The following ZC3H8 variants were observed in gnomAD, a reference collection of about 807,000 sequenced individuals.
The protein encoded by ZC3H8 is zinc finger CCCH domain-containing protein 8.
Under a neutral mutation model 42.5 loss-of-function variants are expected in ZC3H8, and 27 were observed. That is an observed-to-expected ratio of 0.64 (90% confidence interval 0.47 to 0.88). The LOEUF is 0.88. Among genes scored for constraint, ZC3H8 ranks in the 40% least tolerant of loss-of-function variants. ZC3H8 has a pLI of 0.00. For missense variants in ZC3H8, 277 were observed against 336.1 expected (o/e 0.82, Z 1.37); for synonymous variants, 101 against 110.1 (o/e 0.92, Z 0.52).
At chr2:112,239,579 CTTTTTTTTT>C (rs200972008) in intron 2 of ZC3H8, among the ~76,000 whole-genome samples, 12 of 86,486 alleles carry the variant, frequency 1.4e-4, no homozygotes, top group East Asian at 4.9e-4. Flanking sequence ...TAACAGTTTA[CTTTTTTTTT>C]TTTTTTTTTT....
At chr2:112,240,952 A>T (rs1026342164) in intron 2 of ZC3H8, among the ~76,000 whole-genome samples, 17 of 142,604 alleles carry the variant, frequency 1.2e-4, no homozygotes, top group Admixed American at 3.5e-4. Context: ...TACAGGTAAC[A>T]GTGTGTGTGT....
intron 8 of ZC3H8, among the ~76,000 whole-genome samples, chr2:112,220,928 G>T (rs185790507): frequency 1.3e-5 from 2 of 152,154 alleles, no homozygotes; most frequent in African/African-American, 4.8e-5. Context: ...ATGACTATCC[G>T]TCATGAGGAT....
intron 1 of ZC3H8, among the ~76,000 whole-genome samples, chr2:112,253,155 C>T (rs1029025508): frequency 6.6e-6 from 1 of 151,892 alleles, no homozygotes. Flanking sequence ...AAAAAACCCA[C>T]AAAACTACTC....
chr2:112,254,768 C>T, intron 1 of ZC3H8, 140 bp downstream of exon 1: 2 of 987,278 alleles, frequency 2.0e-6, no homozygotes, highest in African/African-American at 1.6e-5. Context: ...GACGGTGGCG[C>T]CCGGCCGGCC....
chr2:112,224,021 C>T lies in ZC3H8; in HGVS notation c.*15+6882G>A, dbSNP rs193198986. ...AGCCAGGGTGGTAGGTGCCTGTAATCCCAGCTACCCAGGAGGCTGAGGCAG... is the reference window on the plus strand; with the variant it reads ...AGCCAGGGTGGTAGGTGCCTGTAATTCCAGCTACCCAGGAGGCTGAGGCAG... On this transcript the variant is annotated intron_variant, in intron 8 of 8. Transcript: ENST00000409573. Among the ~76,000 whole-genome samples, 7 of 152,142 alleles carry T rather than the reference C, an allele frequency of 4.6e-5. No homozygotes were observed. In the East Asian group the frequency reaches 1.4e-3, roughly 29 times the overall value.
In ZC3H8 at chr2:112,238,463, A is replaced by C; in HGVS notation, c.222T>G (p.Asp74Glu). 1 of 1,613,200 alleles carries C rather than the reference A, an allele frequency of 6.2e-7. No homozygotes were observed. Among genetic ancestry groups the C allele is most frequent in the Non-Finnish European group, 8.5e-7 (1 of 1,179,826 alleles). ...TGCAGATATCATTATCACTATATAC[A>C]TCATAGTCCTTACTTCTTGATTTTC... ...LHRKSRSKDY[D>E]VYSDNDICSQ... is the part of the protein sequence containing the mutation. The change falls in exon 3 of 9, where the codon GAT becomes GAG. Residue 74 changes from aspartate to glutamate, a missense_variant. Coordinates refer to ENST00000409573, the MANE Select transcript of ZC3H8 (RefSeq NM_032494.3).
In ZC3H8 at chr2:112,213,275, A is replaced by G. The variant is rs1266380886; in HGVS notation, c.*3209T>C. 6.6e-6 allele frequency: 1 copy of G among 152,060 alleles called. No homozygotes were observed. The highest frequency in any genetic ancestry group is 2.4e-5 in the African/African-American group (1 of 41,406). The allele number at this position is 152,060 out of a possible 1,614,324, so 9.4% of individuals were successfully genotyped here. On this transcript the variant is annotated 3_prime_UTR_variant, in exon 9 of 9. Transcript: ENST00000409573. ...GTGAGCCACTGCACCCGGCCTGAAGAAATCCTTGCACGTAACCCCCCAGTG... is the reference window on the plus strand; with the variant it reads ...GTGAGCCACTGCACCCGGCCTGAAGGAATCCTTGCACGTAACCCCCCAGTG...
At chr2:112,249,255 T>A (rs1685862082) in intron 2 of ZC3H8, among the ~76,000 whole-genome samples, 1 of 152,086 alleles carries the variant, frequency 6.6e-6, no homozygotes, top group Non-Finnish European at 1.5e-5. Context: ...CATGTGAATA[T>A]GAAGGCAGAA....
chr2:112,252,533 T>TG (rs1462960100), intron 1 of ZC3H8, among the ~76,000 whole-genome samples: 1 of 152,218 alleles, frequency 6.6e-6, no homozygotes, highest in African/African-American at 2.4e-5. Context: ...AACCCTCCAA[T>TG]GGTCTCTTGT....
At chr2:112,248,864 G>A (rs1485988900) in intron 2 of ZC3H8, among the ~76,000 whole-genome samples, 1 of 152,074 alleles carries the variant, frequency 6.6e-6, no homozygotes, top group Non-Finnish European at 1.5e-5. Context: ...TAGGTCATTA[G>A]GGTGGGCCCT....
chr2:112,247,044 C>T (rs1411013778), intron 2 of ZC3H8, among the ~76,000 whole-genome samples: 2 of 152,130 alleles, frequency 1.3e-5, no homozygotes, highest in African/African-American at 4.8e-5. Context: ...CATTTTTTAG[C>T]AACAAAGAAT....
intron 2 of ZC3H8, among the ~76,000 whole-genome samples, chr2:112,239,687 C>G (rs184408749): frequency 1.3e-5 from 2 of 148,234 alleles, no homozygotes; most frequent in Non-Finnish European, 3.0e-5. Flanking sequence ...CAGGCTCAAG[C>G]GATTCCCTTG....
At chr2:112,226,016 A>G (rs1431948808) in intron 8 of ZC3H8, among the ~76,000 whole-genome samples, 2 of 152,014 alleles carry the variant, frequency 1.3e-5, no homozygotes, top group African/African-American at 4.8e-5. Flanking sequence ...CAAGAGGTAG[A>G]GGTTGCAGTG....
intron 8 of ZC3H8, among the ~76,000 whole-genome samples, chr2:112,229,942 C>CAA (rs1304413377): frequency 9.4e-5 from 11 of 116,780 alleles, no homozygotes; most frequent in Admixed American, 1.8e-4. Context: ...TGAGATGCCG[C>CAA]AAAAAAAAAA....
At chr2:112,226,513 C>T (rs192399552) in intron 8 of ZC3H8, among the ~76,000 whole-genome samples, 6 of 133,480 alleles carry the variant, frequency 4.5e-5, no homozygotes, top group African/African-American at 1.5e-4. Context: ...GGTGTGAACC[C>T]GGGAGGTGGA....
chr2:112,218,673 GA>G (rs1182391010), intron 8 of ZC3H8, among the ~76,000 whole-genome samples: 2 of 152,058 alleles, frequency 1.3e-5, no homozygotes, highest in East Asian at 1.9e-4. Context: ...CTACAATTTG[GA>G]AACATAGAGA....
Position 112,212,965 on chromosome 2 carries a change from CTTTTTTTTTT to C in ZC3H8, c.*3509_*3518del, listed in dbSNP as rs35500593. On this transcript the variant is annotated 3_prime_UTR_variant, in exon 9 of 9. Coordinates refer to ENST00000409573, the MANE Select transcript of ZC3H8 (RefSeq NM_032494.3). ...CAGCAAGCACAACTCAGAAGAAATG[CTTTTTTTTTT>C]TTTTTTTTTTTTTATAAGAGACAAG... The C allele has an allele frequency of 1.2e-5, 1 of 84,918 alleles. No individual in the cohort carries two copies. Among genetic ancestry groups the C allele is most frequent in the Non-Finnish European group, 2.3e-5 (1 of 43,280 alleles). 5.3% of individuals were successfully genotyped at this position (84,918 alleles called of 1,614,324 possible).
At chr2:112,228,949 A>G (rs891532745) in intron 8 of ZC3H8, among the ~76,000 whole-genome samples, 1 of 152,256 alleles carries the variant, frequency 6.6e-6, no homozygotes, top group Admixed American at 6.5e-5. Context: ...AGCACATGAA[A>G]AGATGTTCAT....
chr2:112,219,650 ATTTT>A (rs200148780), intron 8 of ZC3H8, among the ~76,000 whole-genome samples: 2 of 147,344 alleles, frequency 1.4e-5, no homozygotes, highest in African/African-American at 5.0e-5. Flanking sequence ...GAGTGGGGTG[ATTTT>A]TTTTTTTAAT....
Sources: gnomAD v4.1 joint callset for allele counts (sites outside exome capture counted in the v4.1 genomes callset) on GRCh38, gnomAD v4.1.1 for gene constraint, MANE v1.5 for transcripts, NCBI Gene and HGNC (gene_info 2026-07-23, HGNC 2026-07-21) for gene names.